Variants in MCPH1 observed in about 807,000 individuals in gnomAD.
MCPH1 encodes the protein microcephalin.
In MCPH1, 104 loss-of-function variants were observed where a neutral mutation model predicts 84.5. That is an observed-to-expected ratio of 1.23 (90% CI 1.05 to 1.45). MCPH1 has a LOEUF of 1.45. Among genes scored for constraint, MCPH1 ranks in the 40% most tolerant of loss-of-function variants. The pLI, the probability that MCPH1 is intolerant of heterozygous loss-of-function variation, is 0.00. For synonymous variants in MCPH1, 514 were observed against 366.8 expected, an observed-to-expected ratio of 1.40 and a Z score of -4.58; for missense variants, 1,498 against 1,005.7, an observed-to-expected ratio of 1.49 and a Z score of -6.62.
chr8:6,486,378 T>C (rs965274026), intron 11 of MCPH1, among the ~76,000 whole-genome samples: 1 of 152,172 alleles, frequency 6.6e-6, no homozygotes, highest in Non-Finnish European at 1.5e-5. Context: ...AAATATTCTC[T>C]TTGGCTAGCA....
intron 12 of MCPH1, among the ~76,000 whole-genome samples, chr8:6,544,256 A>G (rs554018217): frequency 1.9e-4 from 29 of 152,326 alleles, no homozygotes; most frequent in Admixed American, 1.8e-3. Flanking sequence ...GACCATAGAA[A>G]ACCCCATAAA....
In MCPH1 at chr8:6,433,969, T is replaced by C. The variant is rs918354797; in HGVS notation, c.322-2079T>C. ...GAGCCATTGCGTTATCTGTTCCCTCTGTCTGGAACATTCTTCCCCCAAAAT... is the reference window on the plus strand; with the variant it reads ...GAGCCATTGCGTTATCTGTTCCCTCCGTCTGGAACATTCTTCCCCCAAAAT... On this transcript the variant is annotated intron_variant, in intron 4 of 13. Coordinates refer to ENST00000344683, the MANE Select transcript of MCPH1 (RefSeq NM_024596.5). Among the ~76,000 whole-genome samples the C allele has an allele frequency of 3.3e-5, 5 of 152,264 alleles. No individual in the cohort carries two copies. The South Asian group carries it at 8.3e-4, about 25-fold the overall frequency.
chr8:6,547,914 A>C (rs1325902236), intron 12 of MCPH1, among the ~76,000 whole-genome samples: 4 of 147,496 alleles, frequency 2.7e-5, no homozygotes, highest in East Asian at 2.0e-4. Context: ...ACCAAAACTC[A>C]CTGTGGTTAC....
chr8:6,446,010 A>C (rs1056102315), intron 8 of MCPH1: 5 of 979,450 alleles, frequency 5.1e-6, no homozygotes, highest in Non-Finnish European at 6.1e-6. Flanking sequence ...GTGAAAAACT[A>C]CTTTTAGAAA....
intron 9 of MCPH1, among the ~76,000 whole-genome samples, chr8:6,473,532 A>G (rs1361027407): frequency 6.6e-6 from 1 of 151,814 alleles, no homozygotes; most frequent in East Asian, 1.9e-4. Flanking sequence ...GAGGTTTCAC[A>G]GTGTTAGCCA....
chr8:6,439,495 C>T (rs1404219060), intron 6 of MCPH1, among the ~76,000 whole-genome samples: 1 of 151,548 alleles, frequency 6.6e-6, no homozygotes, highest in Non-Finnish European at 1.5e-5. Context: ...AGTGATTCTA[C>T]TGCCTCAGCC....
chr8:6,623,943 A>G (rs1246038604), intron 13 of MCPH1, among the ~76,000 whole-genome samples: 2 of 152,216 alleles, frequency 1.3e-5, no homozygotes, highest in African/African-American at 4.8e-5. Context: ...TCCACAGTGC[A>G]TATCAACAGG....
At chr8:6,594,957 A>G (rs774669252) in intron 12 of MCPH1, among the ~76,000 whole-genome samples, 75 of 152,170 alleles carry the variant, frequency 4.9e-4, no homozygotes, top group Non-Finnish European at 9.3e-4. Flanking sequence ...TTAAAATCGA[A>G]GTTTTTCTAA....
chr8:6,440,110 T>G (rs1410818130), intron 6 of MCPH1, among the ~76,000 whole-genome samples: 1 of 152,240 alleles, frequency 6.6e-6, no homozygotes, highest in Non-Finnish European at 1.5e-5. Flanking sequence ...TAGACCTATT[T>G]TTGTTTTAAG....
intron 9 of MCPH1, chr8:6,474,050 T>G: frequency 1.2e-6 from 1 of 810,394 alleles, no homozygotes; most frequent in South Asian, 1.4e-5. Context: ...TTGAAGTATT[T>G]CGTACAATAT....
intron 8 of MCPH1, among the ~76,000 whole-genome samples, chr8:6,448,383 C>T (rs1167104476): frequency 6.6e-6 from 1 of 152,136 alleles, no homozygotes; most frequent in African/African-American, 2.4e-5. Flanking sequence ...TCCTGAGCTG[C>T]AGGAAGGAGG....
intron 13 of MCPH1, among the ~76,000 whole-genome samples, chr8:6,640,909 CCT>C (rs1411008259): frequency 2.6e-5 from 4 of 152,160 alleles, no homozygotes; most frequent in Non-Finnish European, 4.4e-5. Flanking sequence ...TATATTGCCC[CCT>C]GTGAGTCATC....
intron 12 of MCPH1, among the ~76,000 whole-genome samples, chr8:6,539,352 C>G (rs994798487): frequency 6.6e-6 from 1 of 152,128 alleles, no homozygotes; most frequent in Non-Finnish European, 1.5e-5. Flanking sequence ...TAGTCTTGGC[C>G]TTTTCTTCAC....
In MCPH1 at chr8:6,480,728, T is replaced by C. The variant is rs758319421; in HGVS notation, c.1988T>C (p.Val663Ala). The C allele has an allele frequency of 5.0e-6, 8 of 1,614,086 alleles. No homozygotes were observed. The African/African-American group carries it at 9.3e-5, about 19-fold the overall frequency. The change falls in exon 11 of 14, where the codon GTC becomes GCC. Residue 663 changes from valine (V) to alanine (A), a missense_variant. Coordinates refer to ENST00000344683, the MANE Select transcript of MCPH1 (RefSeq NM_024596.5). ...TSMPSEKQNV[V>A]IQVVDKLKGF... is the part of the protein sequence containing the mutation. ...CGATTTGACAGAAAGCAGAATGTCG[T>C]CATCCAGGTTGTGGATAAATTGAAA...
chr8:6,591,859 G>A (rs539381097), intron 12 of MCPH1, among the ~76,000 whole-genome samples: 34 of 152,318 alleles, frequency 2.2e-4, no homozygotes, highest in African/African-American at 7.7e-4. Context: ...GGAGTTGAAA[G>A]TGAGTCTATC....
chr8:6,626,017 G>T (rs768546507), intron 13 of MCPH1: 116 of 985,220 alleles, frequency 1.2e-4, no homozygotes, highest in Non-Finnish European at 1.3e-4. Flanking sequence ...CTTCCCCTGG[G>T]ACTGCAGCAT....
At chr8:6,617,934 T>TCTATCTAC in intron 12 of MCPH1, among the ~76,000 whole-genome samples, 1 of 151,830 alleles carries the variant, frequency 6.6e-6, no homozygotes, top group South Asian at 2.1e-4. Flanking sequence ...TATCTATCTA[T>TCTATCTAC]CTATCTATCT....
intron 9 of MCPH1, among the ~76,000 whole-genome samples, chr8:6,461,205 G>GT (rs1192937358): frequency 6.6e-6 from 1 of 151,362 alleles, no homozygotes; most frequent in Non-Finnish European, 1.5e-5. Flanking sequence ...ACTTCCATTA[G>GT]CTTTTTTTTT....
chr8:6,538,921 T>A (rs866436650), intron 12 of MCPH1, among the ~76,000 whole-genome samples: 2 of 152,228 alleles, frequency 1.3e-5, no homozygotes, highest in African/African-American at 4.8e-5. Flanking sequence ...GCTTTTGACC[T>A]AATGTTCTTG....
Sources: gnomAD v4.1 joint callset for allele counts (sites outside exome capture counted in the v4.1 genomes callset) on GRCh38, gnomAD v4.1.1 for gene constraint, MANE v1.5 for transcripts, NCBI Gene and HGNC (gene_info 2026-07-23, HGNC 2026-07-21) for gene names.